TMEM63C: variants seen among roughly 807,000 people sequenced by gnomAD.
The protein encoded by TMEM63C is osmosensitive cation channel TMEM63C.
TMEM63C carries 32 observed loss-of-function variants against 99.2 expected under a neutral mutation model. That is an observed-to-expected ratio of 0.32 (90% CI 0.24 to 0.43). TMEM63C has a LOEUF of 0.43. TMEM63C is among the 20% of genes least tolerant of loss of function. The probability of loss-of-function intolerance (pLI) is 1.00; values close to 1 mark genes in which losing one functional copy is unlikely to be tolerated. For synonymous variants in TMEM63C, 376 were observed against 397.9 expected (o/e 0.94, Z 0.66); for missense variants, 826 against 1,053.0 (o/e 0.78, Z 2.98).
Position 77,238,779 on chromosome 14 carries a change from G to A in TMEM63C, c.725+12G>A, listed in dbSNP as rs1410400446. 1 of 1,611,978 alleles carries A rather than the reference G, an allele frequency of 6.2e-7. No homozygotes were observed. Among genetic ancestry groups the A allele is most frequent in the Non-Finnish European group, 8.5e-7 (1 of 1,178,092 alleles). On this transcript the variant is annotated intron_variant, in intron 10 of 23. Coordinates refer to ENST00000298351, the MANE Select transcript of TMEM63C (RefSeq NM_020431.4). The stretch of plus-strand genomic sequence containing the variant: ...ATTAAGCATTTTCAGTAAGTGGGTT[G>A]GGGTAGGCCAAGGCGTGGATTGCTT...
At chr14:77,229,923 G>A (rs1026689250) in intron 6 of TMEM63C, among the ~76,000 whole-genome samples, 1 of 151,852 alleles carries the variant, frequency 6.6e-6, no homozygotes, top group Non-Finnish European at 1.5e-5. Context: ...AGCTCGGCCC[G>A]GCATGGTGGC....
At chr14:77,192,666 G>A (rs1848402) in intron 1 of TMEM63C, among the ~76,000 whole-genome samples, 49,123 of 152,040 alleles carry the variant, frequency 0.32, 9,438 homozygotes, top group East Asian at 0.67. Flanking sequence ...GGAGGCTGAG[G>A]CAGGAGAGTC....
intron 13 of TMEM63C, among the ~76,000 whole-genome samples, chr14:77,241,107 T>G (rs1049917448): frequency 9.9e-5 from 15 of 152,004 alleles, no homozygotes; most frequent in Non-Finnish European, 1.9e-4. Context: ...CCTGCCACCA[T>G]GCCCGGCTAA....
rs71125548 is a variant in TMEM63C at position 77,258,726 on chromosome 14, TG to T, written c.*2006del. The T allele has an allele frequency of 0.21, 31,894 of 152,420 alleles. 3,971 individuals carry two copies. Among genetic ancestry groups the T allele is most frequent in the East Asian group, 0.58 (2,973 of 5,156 alleles). The allele number at this position is 152,420 out of a possible 1,614,324, so 9.4% of individuals were successfully genotyped here. On this transcript the variant is annotated 3_prime_UTR_variant, in exon 24 of 24. Transcript: ENST00000298351. ...TCATGTGTATTTGGTGTATGGGGTG[TG>T]GGGGGTCACACCAGAAGCTGGCCTG...
chr14:77,256,488 G>A (rs771563399), intron 23 of TMEM63C, 38 bp from the exon 24 acceptor site: 19 of 1,607,960 alleles, frequency 1.2e-5, no homozygotes, highest in Admixed American at 1.7e-5. Flanking sequence ...TGCCCCCAAC[G>A]TGACCTTGCT....
chr14:77,229,937 C>T (rs970573997), intron 6 of TMEM63C, among the ~76,000 whole-genome samples: 3 of 151,968 alleles, frequency 2.0e-5, no homozygotes, highest in East Asian at 1.9e-4. Flanking sequence ...TGGTGGCTCA[C>T]GCCTGTAATC....
intron 1 of TMEM63C, among the ~76,000 whole-genome samples, chr14:77,182,636 A>G (rs2140083911): frequency 6.6e-6 from 1 of 151,110 alleles, no homozygotes; most frequent in African/African-American, 2.4e-5. Context: ...AGACCCCAGG[A>G]CCTCCCCCCA....
In TMEM63C at chr14:77,220,030, G is replaced by A. The variant is rs1458336387; in HGVS notation, c.255G>A (p.Glu85=). Residue 85 remains glutamate, a synonymous_variant, in exon 5 of 24, where the codon GAG becomes GAA. Coordinates refer to ENST00000298351, the MANE Select transcript of TMEM63C (RefSeq NM_020431.4). ...NDSLTSLIYG[E]QSEKTSPSET... is the part of the protein sequence containing the mutation. ...GCCTGACCTCGCTGATCTATGGGGA[G>A]CAGAGCGAGAAGACATCTCCCTCGG... The A allele has an allele frequency of 3.8e-6, 6 of 1,561,300 alleles. No homozygotes were observed. Among genetic ancestry groups the A allele is most frequent in the Non-Finnish European group, 5.2e-6 (6 of 1,152,620 alleles).
At chr14:77,246,569 G>A (rs1400112134) in intron 17 of TMEM63C, 40 bp from the exon 18 acceptor site, 2 of 1,579,676 alleles carry the variant, frequency 1.3e-6, no homozygotes, top group South Asian at 1.1e-5. Flanking sequence ...TTAGCTCATA[G>A]GTTTGCTAAC....
At position 77,216,864 on chromosome 14, in the gene TMEM63C, C is replaced by G. The variant is rs141653179; in HGVS notation, c.-13-1937C>G. ...CACTTGTTCACCCCTCCTGCTCCCC[C>G]ACCTAGTCTCCATATGAGGATCAAA... On this transcript the variant is annotated intron_variant, in intron 2 of 23. Transcript: ENST00000298351. 4.6e-5 allele frequency among the ~76,000 whole-genome samples: 7 copies of G among 152,164 alleles called. No homozygotes were observed. The East Asian group carries it at 5.8e-4, about 13-fold the overall frequency.
At chr14:77,255,013 CAG>C (rs1889437542) in intron 23 of TMEM63C, among the ~76,000 whole-genome samples, 1 of 152,114 alleles carries the variant, frequency 6.6e-6, no homozygotes, top group African/African-American at 2.4e-5. Flanking sequence ...GGTGGGGAAA[CAG>C]AATCTTGCTC....
At chr14:77,195,217 A>T (rs6574360) in intron 1 of TMEM63C, among the ~76,000 whole-genome samples, 90,465 of 152,052 alleles carry the variant, frequency 0.59, 27,791 homozygotes, top group East Asian at 0.88. Context: ...CCTTGCATTC[A>T]CAATTTCAGA....
intron 6 of TMEM63C, among the ~76,000 whole-genome samples, chr14:77,227,614 C>T (rs1043810726): frequency 2.0e-5 from 3 of 152,138 alleles, no homozygotes; most frequent in Admixed American, 2.0e-4. Flanking sequence ...AGACCAGAAG[C>T]GGCCCAAGGG....
intron 2 of TMEM63C, among the ~76,000 whole-genome samples, chr14:77,215,614 A>AAAAAAAAAAAGAAAAGAAAAG (rs772701077): frequency 3.9e-5 from 3 of 76,528 alleles, no homozygotes; most frequent in African/African-American, 1.1e-4. Context: ...AAAAAAAAAA[A>AAAAAAAAAAAGAAAAGAAAAG]AAAAGAAAAG....
At chr14:77,210,263 A>C (rs1383739167) in intron 1 of TMEM63C, among the ~76,000 whole-genome samples, 4 of 152,148 alleles carry the variant, frequency 2.6e-5, no homozygotes, top group Non-Finnish European at 4.4e-5. Flanking sequence ...AGGTGATTCC[A>C]GTGACCCCCT....
intron 4 of TMEM63C, 87 bp downstream of exon 4, chr14:77,219,664 A>G: frequency 7.1e-7 from 1 of 1,405,084 alleles, no homozygotes; most frequent in Middle Eastern, 2.1e-4. Flanking sequence ...CCAGCGCCCG[A>G]GCTGCAGCAG....
At chr14:77,192,470 G>A (rs1408704891) in intron 1 of TMEM63C, among the ~76,000 whole-genome samples, 1 of 152,192 alleles carries the variant, frequency 6.6e-6, no homozygotes, top group African/African-American at 2.4e-5. Context: ...TTGTTGGGTA[G>A]GGGAGCAGGA....
intron 8 of TMEM63C, among the ~76,000 whole-genome samples, chr14:77,235,180 C>T (rs977724009): frequency 5.9e-5 from 9 of 151,914 alleles, no homozygotes; most frequent in African/African-American, 1.9e-4. Flanking sequence ...GGAGCAAGAC[C>T]CTTTCTCACC....
At chr14:77,241,784 G>A (rs1408227506) in intron 13 of TMEM63C, among the ~76,000 whole-genome samples, 3 of 152,216 alleles carry the variant, frequency 2.0e-5, no homozygotes, top group Non-Finnish European at 4.4e-5. Flanking sequence ...TTCATTCTTT[G>A]AGACATTGCC....
Sources: gnomAD v4.1 joint callset for allele counts (sites outside exome capture counted in the v4.1 genomes callset) on GRCh38, gnomAD v4.1.1 for gene constraint, MANE v1.5 for transcripts, NCBI Gene and HGNC (gene_info 2026-07-23, HGNC 2026-07-21) for gene names.